TPO: variants seen among roughly 807,000 people sequenced by gnomAD.
TPO encodes the protein thyroid microsomal antigen.
Under a neutral mutation model 96.9 loss-of-function variants are expected in TPO, and 78 were observed. The observed-to-expected ratio is 0.81, with a 90% CI of 0.67 to 0.97. TPO has a LOEUF of 0.97. TPO is among the 50% of genes least tolerant of loss of function. The pLI is 0.00. For synonymous variants in TPO, 547 were observed against 538.0 expected (o/e 1.02, Z -0.23); for missense variants, 1,252 against 1,274.8 (o/e 0.98, Z 0.27).
Position 1,449,469 on chromosome 2 carries a change from G to T in TPO, c.483-4225G>T, listed in dbSNP as rs570186806. On this transcript the variant is annotated intron_variant, in intron 5 of 16. Coordinates refer to ENST00000329066, the MANE Select transcript of TPO (RefSeq NM_001206744.2). Reference sequence around the variant, plus strand: ...AGACCTGATGGAGTTTTGCTGGAATGAAGCTCCTTGACACAATCGTCTCCT... The same window carrying T: ...AGACCTGATGGAGTTTTGCTGGAATTAAGCTCCTTGACACAATCGTCTCCT... Among the ~76,000 whole-genome samples the T allele has an allele frequency of 2.0e-5, 3 of 152,242 alleles. 1 individual carries two copies. The East Asian group carries it at 5.8e-4, about 29-fold the overall frequency.
chr2:1,453,815 C>G lies in TPO; in HGVS notation c.604C>G (p.Leu202Val), dbSNP rs909316451. 5 of 1,613,658 alleles carry G rather than the reference C, an allele frequency of 3.1e-6. No homozygotes were observed. The African/African-American group carries it at 6.7e-5, about 22-fold the overall frequency. ...NPGFLYNGFPLPPVREVTRHV... is the reference protein window; with the variant it reads ...NPGFLYNGFPVPPVREVTRHV... ...CGGCTTCTTGTACAACGGGTTCCCA[C>G]TGCCCCCGGTGGGTACTCAGAACGC... is the stretch of plus-strand genomic sequence containing the variant. The change falls in exon 6 of 17, where the codon CTG (leucine) becomes GTG (valine). Residue 202 changes from leucine (L) to valine (V), a missense_variant. Leu to Val is a conservative substitution (Grantham distance 32, BLOSUM62 1). Coordinates refer to ENST00000329066, the MANE Select transcript of TPO (RefSeq NM_001206744.2).
At chr2:1,395,866 G>T (rs980227117) in intron 1 of TPO, among the ~76,000 whole-genome samples, 1 of 152,164 alleles carries the variant, frequency 6.6e-6, no homozygotes, top group Non-Finnish European at 1.5e-5. Context: ...CATGTAAGAG[G>T]TGCCTTTGCC....
intron 15 of TPO, among the ~76,000 whole-genome samples, chr2:1,539,546 C>T (rs1204814022): frequency 6.6e-6 from 1 of 152,154 alleles, no homozygotes; most frequent in African/African-American, 2.4e-5. Context: ...CTTCCATGTA[C>T]ACCTAGGTCG....
rs1661812221 is a variant in TPO, at chr2:1,381,590, A to G, written n.180+7188A>G. The stretch of plus-strand genomic sequence containing the variant: ...TTTGGGCAGGAACACAGACCAAACC[A>G]TATCGGACAACTTATTTGATAAATC... On this transcript the variant is annotated intron_variant and non_coding_transcript_variant, in intron 1 of 5. Coordinates refer to the TPO transcript ENST00000497517. Among the ~76,000 whole-genome samples the G allele has an allele frequency of 2.0e-5, 3 of 152,218 alleles. No homozygotes were observed. In the South Asian group the frequency reaches 6.2e-4, roughly 32 times the overall value.
rs116557067 is a variant in TPO at position 1,472,340 on chromosome 2, G to T, written c.820-4746G>T. On this transcript the variant is annotated intron_variant, in intron 7 of 16. Coordinates refer to ENST00000329066, the MANE Select transcript of TPO (RefSeq NM_001206744.2). Reference sequence around the variant, plus strand: ...AATGCTCATGGTGTGTCCTTCTGATGATCTGAGTGCTCATAGTGTGCTCTT... The same window carrying T: ...AATGCTCATGGTGTGTCCTTCTGATTATCTGAGTGCTCATAGTGTGCTCTT... Among the ~76,000 whole-genome samples, 1,144 of 152,070 alleles carry T rather than the reference G, an allele frequency of 7.5e-3. 17 individuals are homozygous for T. The highest frequency in any genetic ancestry group is 0.027 in the African/African-American group (1,100 of 41,488).
At chr2:1,512,233 T>A (rs556930421) in intron 14 of TPO, among the ~76,000 whole-genome samples, 1 of 152,200 alleles carries the variant, frequency 6.6e-6, no homozygotes, top group Admixed American at 6.5e-5. Flanking sequence ...AGAGACGGGG[T>A]TTCACCATGT....
At chr2:1,530,658 C>T (rs1677909924) in intron 15 of TPO, among the ~76,000 whole-genome samples, 1 of 134,202 alleles carries the variant, frequency 7.5e-6, no homozygotes, top group Non-Finnish European at 1.6e-5. Context: ...CCCAAATCCC[C>T]CACACTGTGT....
At chr2:1,386,167 G>A (rs1479447611) in intron 1 of TPO, among the ~76,000 whole-genome samples, 2 of 152,192 alleles carry the variant, frequency 1.3e-5, no homozygotes, top group African/African-American at 2.4e-5. Context: ...TGCGGGTGTG[G>A]TGTGGAGAAG....
chr2:1,376,567 G>A (rs1045627504), intron 1 of TPO, among the ~76,000 whole-genome samples: 1 of 152,116 alleles, frequency 6.6e-6, no homozygotes, highest in African/African-American at 2.4e-5. Flanking sequence ...GGCTGTTCCT[G>A]ATGGTGCCCA....
intron 15 of TPO, among the ~76,000 whole-genome samples, chr2:1,522,733 C>T (rs1675454630): frequency 6.6e-6 from 1 of 151,452 alleles, no homozygotes; most frequent in Non-Finnish European, 1.5e-5. Context: ...CTCCCCAAAC[C>T]CCCACTGTAT....
At chr2:1,436,645 C>T (rs922784029) in intron 5 of TPO, among the ~76,000 whole-genome samples, 1 of 152,216 alleles carries the variant, frequency 6.6e-6, no homozygotes, top group Non-Finnish European at 1.5e-5. Context: ...CCTAACCCCA[C>T]AAATTCCACC....
intron 3 of TPO, among the ~76,000 whole-genome samples, chr2:1,430,851 C>T (rs9677680): frequency 0.052 from 7,961 of 152,224 alleles, 583 homozygotes; most frequent in African/African-American, 0.15. Flanking sequence ...AAAATATACC[C>T]AATGCTGGTG....
intron 2 of TPO, among the ~76,000 whole-genome samples, chr2:1,418,881 A>G (rs1001490769): frequency 2.0e-5 from 3 of 152,262 alleles, no homozygotes; most frequent in Non-Finnish European, 4.4e-5. Context: ...AACAAACAGC[A>G]AGGATTAAAG....
intron 5 of TPO, among the ~76,000 whole-genome samples, chr2:1,450,932 A>G (rs776798211): frequency 2.0e-5 from 3 of 152,208 alleles, no homozygotes; most frequent in Non-Finnish European, 2.9e-5. Context: ...GATTATATGC[A>G]TTACTCTCCC....
In TPO at chr2:1,477,161, G is replaced by A. The variant is rs1429547313; in HGVS notation, c.895G>A (p.Gly299Arg). 1 of 1,609,684 alleles carries A rather than the reference G, an allele frequency of 6.2e-7. No homozygotes were observed. Among genetic ancestry groups the A allele is most frequent in the Non-Finnish European group, 8.5e-7 (1 of 1,178,946 alleles). ...CCGCTCTTCGGCCGCCTGCGGCACC[G>A]GGGACCAAGGCGCGCTCTTTGGGAA... ...FYRSSAACGT[G>R]DQGALFGNLS... The change falls in exon 8 of 17, where the codon GGG (glycine) becomes AGG (arginine). Residue 299 changes from glycine to arginine, a missense_variant. Coordinates refer to ENST00000329066, the MANE Select transcript of TPO (RefSeq NM_001206744.2).
intron 7 of TPO, among the ~76,000 whole-genome samples, chr2:1,470,380 C>A (rs1415338460): frequency 6.6e-6 from 1 of 152,070 alleles, no homozygotes; most frequent in Non-Finnish European, 1.5e-5. Context: ...GAGCCTTGGT[C>A]CTTCACTCTA....
chr2:1,512,093 G>A, intron 14 of TPO, among the ~76,000 whole-genome samples: 1 of 151,802 alleles, frequency 6.6e-6, no homozygotes, highest in East Asian at 1.9e-4. Flanking sequence ...GAGTGCAGTG[G>A]CGCGATCTCA....
At chr2:1,411,916 GT>G (rs1176033687), upstream of TPO, among the ~76,000 whole-genome samples, 2 of 152,164 alleles carry the variant, frequency 1.3e-5, no homozygotes, top group African/African-American at 4.8e-5. Context: ...TGCCATGCAG[GT>G]TGCAGTCACA....
intron 7 of TPO, among the ~76,000 whole-genome samples, chr2:1,463,885 T>A (rs1668663742): frequency 6.6e-6 from 1 of 152,236 alleles, no homozygotes. Context: ...GGGTTATGAA[T>A]TATGTTCATG....
Sources: allele counts gnomAD v4.1 joint callset (sites outside exome capture counted in the v4.1 genomes callset), GRCh38; gene constraint gnomAD v4.1.1; transcripts MANE v1.5; gene names NCBI Gene and HGNC (gene_info 2026-07-23, HGNC 2026-07-21).